CD109: variants seen among roughly 807,000 people sequenced by gnomAD.
The protein encoded by CD109 is CD109 antigen.
Under a neutral mutation model 165.8 loss-of-function variants are expected in CD109, and 149 were observed. The ratio of observed to expected loss-of-function variants is 0.90; its 90% CI spans 0.79 to 1.03. The LOEUF is 1.03. Among genes scored for constraint, CD109 ranks in the 50% least tolerant of loss-of-function variants. The probability of loss-of-function intolerance (pLI) is 0.00; values close to 1 mark genes in which losing one functional copy is unlikely to be tolerated. For synonymous variants in CD109, 585 were observed against 592.1 expected (o/e 0.99, Z 0.18); for missense variants, 1,712 against 1,677.8 (o/e 1.02, Z -0.36).
intron 18 of CD109, 71 bp downstream of exon 18, chr6:73,782,826 T>A (rs1774556106): frequency 3.4e-6 from 5 of 1,465,544 alleles, no homozygotes; most frequent in Non-Finnish European, 4.7e-6. Flanking sequence ...CTTTGCCCGC[T>A]TTCTAATGTT....
At chr6:73,719,721 T>C (rs1402336651) in intron 2 of CD109, among the ~76,000 whole-genome samples, 1 of 152,198 alleles carries the variant, frequency 6.6e-6, no homozygotes, top group Non-Finnish European at 1.5e-5. Flanking sequence ...TTGCAATGTT[T>C]AAATGTTTCA....
rs765656153 is a variant in CD109, at chr6:73,792,736, T to A, written c.2812T>A (p.Tyr938Asn). 59 of 1,612,636 alleles carry A rather than the reference T, an allele frequency of 3.7e-5. No individual in the cohort carries two copies. Among genetic ancestry groups the A allele is most frequent in the Non-Finnish European group, 4.6e-5 (54 of 1,179,760 alleles). Reference protein sequence around the residue: ...NFAPNIYILDYLTKKKQLTDN... With the variant: ...NFAPNIYILDNLTKKKQLTDN... ...TGCTCCAAATATTTACATTTTGGAT[T>A]ATCTGACTAAAAAGAAACAACTGAC... The change falls in exon 23 of 33, where the codon TAT (tyrosine) becomes AAT (asparagine). Residue 938 changes from tyrosine (Y) to asparagine (N), a missense_variant. Tyr to Asn is a moderately radical substitution (Grantham distance 143). Coordinates refer to ENST00000287097, the MANE Select transcript of CD109 (RefSeq NM_133493.5).
At chr6:73,737,958 A>G (rs536326631) in intron 5 of CD109, among the ~76,000 whole-genome samples, 10 of 152,320 alleles carry the variant, frequency 6.6e-5, no homozygotes, top group East Asian at 1.9e-4. Flanking sequence ...CGATCCTTCT[A>G]TCCACCCACC....
chr6:73,682,869 C>T, the CD109 span, among the ~76,000 whole-genome samples: 3 of 152,220 alleles, frequency 2.0e-5, no homozygotes, highest in Admixed American at 1.3e-4. Flanking sequence ...AACCACGGCC[C>T]GAGCTCTACA....
intron 23 of CD109, among the ~76,000 whole-genome samples, chr6:73,799,399 G>A (rs569535160): frequency 3.9e-5 from 6 of 151,972 alleles, no homozygotes; most frequent in East Asian, 1.9e-4. Flanking sequence ...TATATCAGGC[G>A]GTTCTTGCAT....
chr6:73,823,199 C>T (rs1160951432), intron 32 of CD109, among the ~76,000 whole-genome samples: 2 of 152,228 alleles, frequency 1.3e-5, no homozygotes, highest in Non-Finnish European at 1.5e-5. Context: ...CAGTGTGCAG[C>T]TGCAGTCTAT....
At chr6:73,780,709 T>A (rs1774450190) in intron 16 of CD109, among the ~76,000 whole-genome samples, 1 of 148,202 alleles carries the variant, frequency 6.7e-6, no homozygotes, top group South Asian at 2.1e-4. Context: ...GTTAATGGAA[T>A]TGACATTAAA....
chr6:73,774,589 G>T (rs1162727299), intron 15 of CD109, among the ~76,000 whole-genome samples: 6 of 152,164 alleles, frequency 3.9e-5, no homozygotes, highest in Admixed American at 3.9e-4. Context: ...TGCTGACCTG[G>T]TATTATCTTT....
Position 73,806,964 on chromosome 6 carries a change from T to C in CD109, c.3081T>C (p.Phe1027=). The C allele has an allele frequency of 6.2e-7, 1 of 1,614,022 alleles. No homozygotes were observed. The highest frequency in any genetic ancestry group is 8.5e-7 in the Non-Finnish European group (1 of 1,179,976). The change falls in exon 25 of 33, where the codon TTT becomes TTC. Residue 1027 remains phenylalanine (F), a synonymous_variant. Transcript: ENST00000287097. ...LKGHQKSNGE[F]WDPGRVIHSE... ...GACATCAGAAATCCAACGGTGAATT[T>C]TGGGATCCAGGAAGAGTGATTCATA...
intron 2 of CD109, among the ~76,000 whole-genome samples, chr6:73,700,395 G>A (rs1222867657): frequency 6.6e-6 from 1 of 151,860 alleles, no homozygotes; most frequent in East Asian, 1.9e-4. Context: ...TTTCCTATGA[G>A]CCACCCCCAG....
intron 16 of CD109, among the ~76,000 whole-genome samples, chr6:73,780,762 T>C (rs991112514): frequency 9.7e-6 from 1 of 103,342 alleles, no homozygotes; most frequent in African/African-American, 3.9e-5. Flanking sequence ...CATATAAATA[T>C]ATTTTATGTA....
chr6:73,768,482 A>G (rs577687788), intron 14 of CD109, among the ~76,000 whole-genome samples: 15 of 152,340 alleles, frequency 9.8e-5, no homozygotes, highest in African/African-American at 3.4e-4. Context: ...CAGATCATGA[A>G]GCTGTTTCAG....
chr6:73,692,124 T>C (rs908192689), upstream of CD109, among the ~76,000 whole-genome samples: 16 of 152,096 alleles, frequency 1.1e-4, no homozygotes, highest in African/African-American at 3.9e-4. Flanking sequence ...GGGGGAAATC[T>C]GCCCCCATGA....
chr6:73,821,313 A>T (rs1776100117), intron 32 of CD109, among the ~76,000 whole-genome samples: 1 of 152,214 alleles, frequency 6.6e-6, no homozygotes, highest in Non-Finnish European at 1.5e-5. Flanking sequence ...ATAATAAAAA[A>T]AATGGGAGTT....
chr6:73,736,584 C>T, intron 5 of CD109, 76 bp downstream of exon 5: 5 of 1,283,524 alleles, frequency 3.9e-6, no homozygotes, highest in Non-Finnish European at 5.3e-6. Context: ...TCTCCAAAGT[C>T]ATTTATACAA....
Position 73,820,457 on chromosome 6 carries a change from C to T in CD109, c.4060-4C>T. 1 of 1,558,224 alleles carries T rather than the reference C, an allele frequency of 6.4e-7. No homozygotes were observed. Among genetic ancestry groups the T allele is most frequent in the Non-Finnish European group, 8.8e-7 (1 of 1,132,298 alleles). On this transcript the variant is annotated splice_region_variant and splice_polypyrimidine_tract_variant and intron_variant, in intron 31 of 32. Coordinates refer to ENST00000287097, the MANE Select transcript of CD109 (RefSeq NM_133493.5). ...CCCCTTAAGACTCTTTTGTATTTCT[C>T]AAGGTAAATGAAACCCAGTTTTGTG...
chr6:73,690,388 G>T, the CD109 span, among the ~76,000 whole-genome samples: 1 of 152,098 alleles, frequency 6.6e-6, no homozygotes, highest in Admixed American at 6.6e-5. Flanking sequence ...TTATTATGCA[G>T]GTGATAAACA....
Position 73,787,327 on chromosome 6 carries a change from C to T in CD109, c.2431C>T (p.Pro811Ser), listed in dbSNP as rs1457242276. The T allele has an allele frequency of 2.5e-6, 4 of 1,613,594 alleles. No homozygotes were observed. In the African/African-American group the frequency reaches 4.0e-5, roughly 16 times the overall value. ...ATGHQQTLLV[P>S]SEDGATVLFP... ...AGGCCACCAGCAGACCCTTCTGGTT[C>T]CCAGTGAGGATGGGGCAACTGTTCT... Residue 811 changes from proline (P) to serine (S), a missense_variant, in exon 21 of 33, where the codon CCC (proline) becomes TCC (serine). Transcript: ENST00000287097.
chr6:73,811,140 C>G lies in CD109; in HGVS notation c.3695C>G (p.Thr1232Arg), dbSNP rs61754903. The G allele has an allele frequency of 6.2e-7, 1 of 1,612,428 alleles. No homozygotes were observed. The highest frequency in any genetic ancestry group is 8.5e-7 in the Non-Finnish European group (1 of 1,179,250). ...IDTHNRLLLQTAELAVVQPTA... is the reference protein window; with the variant it reads ...IDTHNRLLLQRAELAVVQPTA... ...ACACACAACCGCTTACTCCTTCAGACAGCAGAGGTGTGGGCAAGGGGCAGT... is the reference window on the plus strand; with the variant it reads ...ACACACAACCGCTTACTCCTTCAGAGAGCAGAGGTGTGGGCAAGGGGCAGT... The change falls in exon 28 of 33, where the codon ACA (threonine) becomes AGA (arginine). Residue 1232 changes from threonine to arginine, a missense_variant. Physicochemically the swap from Thr to Arg is moderately conservative, Grantham distance 71. Coordinates refer to ENST00000287097, the MANE Select transcript of CD109 (RefSeq NM_133493.5).
Sources: gnomAD v4.1 joint callset for allele counts (sites outside exome capture counted in the v4.1 genomes callset) on GRCh38, gnomAD v4.1.1 for gene constraint, MANE v1.5 for transcripts, NCBI Gene and HGNC (gene_info 2026-07-23, HGNC 2026-07-21) for gene names.